The following DGLUCY variants were observed in gnomAD, a reference collection of about 807,000 sequenced individuals.
DGLUCY encodes D-glutamate cyclase.
DGLUCY carries 58 observed loss-of-function variants against 58.5 expected under a neutral mutation model. That is an observed-to-expected ratio of 0.99 (90% confidence interval 0.80 to 1.23). The LOEUF is 1.23. DGLUCY is among the 50% of genes most tolerant of loss of function. DGLUCY has a pLI of 0.00. For missense variants in DGLUCY, 779 were observed against 784.7 expected (o/e 0.99, Z 0.09); for synonymous variants, 325 against 314.1 (o/e 1.03, Z -0.37).
At chr14:91,209,772 T>G (rs978756010) in intron 12 of DGLUCY, among the ~76,000 whole-genome samples, 3 of 152,154 alleles carry the variant, frequency 2.0e-5, no homozygotes, top group African/African-American at 7.2e-5. Flanking sequence ...ATATATTGTC[T>G]GCAAGAAATT....
chr14:91,164,011 G>A (rs537317535), intron 3 of DGLUCY, among the ~76,000 whole-genome samples: 2 of 152,046 alleles, frequency 1.3e-5, no homozygotes, highest in African/African-American at 2.4e-5. Flanking sequence ...GTGCAGTGGC[G>A]CGATCTCGGC....
At chr14:91,157,058 A>AGTGG (rs1205147323) in intron 1 of DGLUCY, among the ~76,000 whole-genome samples, 1 of 142,504 alleles carries the variant, frequency 7.0e-6, no homozygotes, top group Non-Finnish European at 1.5e-5. Context: ...TGAATGGGTG[A>AGTGG]GTGGGTGGAT....
intron 1 of DGLUCY, among the ~76,000 whole-genome samples, chr14:91,153,614 G>C (rs1211299880): frequency 1.3e-5 from 2 of 152,168 alleles, no homozygotes; most frequent in African/African-American, 4.8e-5. Context: ...CCCCTCCCTT[G>C]GGTGTGAGCC....
chr14:91,203,023 G>A (rs576377700), intron 11 of DGLUCY, among the ~76,000 whole-genome samples: 2 of 152,332 alleles, frequency 1.3e-5, no homozygotes, highest in Non-Finnish European at 2.9e-5. Flanking sequence ...TGAGAATCAA[G>A]TCACCTGGGT....
At chr14:91,066,896 C>T (rs976754387) in intron 1 of DGLUCY, among the ~76,000 whole-genome samples, 4 of 150,226 alleles carry the variant, frequency 2.7e-5, no homozygotes, top group African/African-American at 7.3e-5. Context: ...CTGGCTAACA[C>T]GGTGAAACCC....
intron 1 of DGLUCY, among the ~76,000 whole-genome samples, chr14:91,068,852 C>A (rs1010551190): frequency 2.0e-5 from 3 of 152,152 alleles, no homozygotes; most frequent in African/African-American, 7.2e-5. Flanking sequence ...CCAAATACTG[C>A]AAAGTCTGTA....
At chr14:91,094,882 C>T (rs2044369998) in intron 1 of DGLUCY, among the ~76,000 whole-genome samples, 1 of 151,830 alleles carries the variant, frequency 6.6e-6, no homozygotes, top group Admixed American at 6.6e-5. Context: ...TCTCATGAGA[C>T]AGGGCTGTCA....
At chr14:91,096,690 C>T (rs578087994) in intron 1 of DGLUCY, among the ~76,000 whole-genome samples, 1 of 152,294 alleles carries the variant, frequency 6.6e-6, no homozygotes, top group South Asian at 2.1e-4. Flanking sequence ...TGCCCACCCC[C>T]CTGGCTTGTT....
intron 12 of DGLUCY, among the ~76,000 whole-genome samples, chr14:91,211,744 A>T (rs1053145319): frequency 2.6e-5 from 4 of 152,220 alleles, no homozygotes; most frequent in African/African-American, 9.6e-5. Flanking sequence ...CTGTAAGGTA[A>T]CATAGGAGAA....
At chr14:91,072,699 G>C (rs984051237) in intron 1 of DGLUCY, among the ~76,000 whole-genome samples, 1 of 149,928 alleles carries the variant, frequency 6.7e-6, no homozygotes, top group Admixed American at 6.7e-5. Flanking sequence ...GCTTTCTAAA[G>C]CTTTTTAGAA....
intron 12 of DGLUCY, among the ~76,000 whole-genome samples, chr14:91,207,050 TG>T (rs563395046): frequency 8.0e-4 from 117 of 146,448 alleles, no homozygotes; most frequent in Non-Finnish European, 1.5e-3. Flanking sequence ...CCTGGCTACG[TG>T]GGGGGGCTGA....
upstream of DGLUCY, among the ~76,000 whole-genome samples, chr14:91,103,170 G>A (rs1434342322): frequency 6.6e-6 from 1 of 152,052 alleles, no homozygotes; most frequent in Non-Finnish European, 1.5e-5. Flanking sequence ...GCTCCCGTAG[G>A]CTGCCTGGGG....
Position 91,114,150 on chromosome 14 carries a change from C to T in DGLUCY, c.-215C>T, listed in dbSNP as rs1437690174. The T allele has an allele frequency of 1.3e-5, 2 of 152,324 alleles. No individual in the cohort carries two copies. Among genetic ancestry groups the T allele is most frequent in the African/African-American group, 4.8e-5 (2 of 41,446 alleles). 9.4% of individuals were successfully genotyped at this position (152,324 alleles called of 1,614,324 possible). A position where few individuals can be genotyped will look rare whatever the true frequency, so the allele number is the denominator to read the frequency against. ...GCTTGTAGACCCGAGCCCTGCAGAA[C>T]AACCCCCCGTGGCGCAGGAGAGCAG... is the stretch of plus-strand genomic sequence containing the variant. On this transcript the variant is annotated 5_prime_UTR_variant, in exon 1 of 14. Transcript: ENST00000256324.
intron 5 of DGLUCY, among the ~76,000 whole-genome samples, chr14:91,172,021 G>T (rs1436977459): frequency 1.3e-5 from 2 of 152,114 alleles, no homozygotes; most frequent in Non-Finnish European, 2.9e-5. Context: ...GGGAAAAAAA[G>T]TACGTTTTTC....
intron 1 of DGLUCY, among the ~76,000 whole-genome samples, chr14:91,120,759 T>G (rs1056528554): frequency 1.3e-5 from 2 of 152,186 alleles, no homozygotes; most frequent in Non-Finnish European, 2.9e-5. Flanking sequence ...TTTGCATACA[T>G]TCAATCAGGT....
rs112673719 is a variant in DGLUCY at position 91,074,636 on chromosome 14, G to A, written c.-82+13932G>A. Among the ~76,000 whole-genome samples the A allele has an allele frequency of 1.6e-3, 247 of 152,160 alleles. 2 individuals are homozygous for A. The highest frequency in any genetic ancestry group is 5.8e-3 in the African/African-American group (241 of 41,522). ...TAATTAAGTATTCCACAGACTGACCGTAAAACATGAAAATCACTTAAACAG... is the reference window on the plus strand; with the variant it reads ...TAATTAAGTATTCCACAGACTGACCATAAAACATGAAAATCACTTAAACAG... On this transcript the variant is annotated intron_variant, in intron 1 of 4. Transcript: ENST00000521334.
chr14:91,223,003 C>T (rs965924241), intron 13 of DGLUCY, among the ~76,000 whole-genome samples: 3 of 152,148 alleles, frequency 2.0e-5, no homozygotes, highest in Non-Finnish European at 2.9e-5. Flanking sequence ...ACATCCTGAC[C>T]CTCACTCATG....
intron 1 of DGLUCY, among the ~76,000 whole-genome samples, chr14:91,133,262 T>C (rs1441193774): frequency 6.6e-6 from 1 of 152,050 alleles, no homozygotes; most frequent in East Asian, 1.9e-4. Context: ...GCCACTGCAC[T>C]CCAGCCTGGG....
At chr14:91,074,116 T>TACACACACACACACACACAAACAC (rs1280375718) in intron 1 of DGLUCY, among the ~76,000 whole-genome samples, 1 of 77,484 alleles carries the variant, frequency 1.3e-5, no homozygotes, top group Non-Finnish European at 2.4e-5. Flanking sequence ...TATATATATA[T>TACACACACACACACACACAAACAC]ATACACACAC....
Sources: gnomAD v4.1 joint callset for allele counts (sites outside exome capture counted in the v4.1 genomes callset) on GRCh38, gnomAD v4.1.1 for gene constraint, MANE v1.5 for transcripts, NCBI Gene and HGNC (gene_info 2026-07-23, HGNC 2026-07-21) for gene names.